The following CACNG3 variants were observed in gnomAD, a reference collection of about 807,000 sequenced individuals.
CACNG3 encodes calcium voltage-gated channel auxiliary subunit gamma 3.
In CACNG3, 3 loss-of-function variants were observed where a neutral mutation model predicts 28.5. That is an observed-to-expected ratio of 0.11 (90% CI 0.05 to 0.27). The LOEUF (loss-of-function observed/expected upper bound fraction) is 0.27, where lower values mean the gene tolerates loss of function less well. Among genes scored for constraint, CACNG3 ranks in the 10% least tolerant of loss-of-function variants. The probability of loss-of-function intolerance (pLI) is 1.00; values close to 1 mark genes in which losing one functional copy is unlikely to be tolerated. For missense variants in CACNG3, 236 were observed against 414.4 expected (o/e 0.57, Z 3.74); for synonymous variants, 174 against 162.2 (o/e 1.07, Z -0.55).
In CACNG3 at chr16:24,322,668, C is replaced by T. The variant is rs76975212; in HGVS notation, c.212-24066C>T. 9.7e-3 allele frequency among the ~76,000 whole-genome samples: 1,479 copies of T among 152,070 alleles called. 24 individuals are homozygous for T. The highest frequency in any genetic ancestry group is 0.034 in the African/African-American group (1,421 of 41,458). ...AGAAGCAAAAGTTTTTCCCCTTCTG[C>T]TTCTCAAATTCTACCCCCTCCCCAA... On this transcript the variant is annotated intron_variant, in intron 1 of 3. Coordinates refer to ENST00000005284, the MANE Select transcript of CACNG3 (RefSeq NM_006539.4).
intron 1 of CACNG3, among the ~76,000 whole-genome samples, chr16:24,269,797 AAGAAAGAAAG>A (rs1161528862): frequency 4.0e-5 from 6 of 150,448 alleles, no homozygotes; most frequent in African/African-American, 1.5e-4. Flanking sequence ...AAAAGAAAGA[AAGAAAGAAAG>A]AGAAAGAAAG....
At chr16:24,336,912 G>A (rs1169916737) in intron 1 of CACNG3, among the ~76,000 whole-genome samples, 1 of 152,026 alleles carries the variant, frequency 6.6e-6, no homozygotes, top group African/African-American at 2.4e-5. Context: ...TCTCCCAGAC[G>A]CAAGTGATCC....
In CACNG3 at chr16:24,351,685, G is replaced by A. The variant is rs201279988; in HGVS notation, c.296-3148G>A. ...ACGAAAGAAAGAAAGAAAGAAAGAAGGAAAGAAAGAAAGAGAAAGAAAGAA... is the reference window on the plus strand; with the variant it reads ...ACGAAAGAAAGAAAGAAAGAAAGAAAGAAAGAAAGAAAGAGAAAGAAAGAA... On this transcript the variant is annotated intron_variant, in intron 2 of 3. Transcript: ENST00000005284. Among the ~76,000 whole-genome samples, 755 of 40,890 alleles carry A rather than the reference G, an allele frequency of 0.018. 17 individuals are homozygous for A. The South Asian group carries it at 0.22, about 12-fold the overall frequency. 26.8% of individuals were successfully genotyped at this position (40,890 alleles called of 152,430 possible).
chr16:24,266,843 C>T (rs558269931), intron 1 of CACNG3, among the ~76,000 whole-genome samples: 1 of 152,212 alleles, frequency 6.6e-6, no homozygotes, highest in South Asian at 2.1e-4. Flanking sequence ...TGGGATCAGT[C>T]AGCAGGTGAA....
chr16:24,357,306 ACTC>A, intron 3 of CACNG3, among the ~76,000 whole-genome samples: 1 of 151,016 alleles, frequency 6.6e-6, no homozygotes. Flanking sequence ...TATGGGGAAA[ACTC>A]CTGTCTTGAT....
chr16:24,266,799 T>C (rs1898614890), intron 1 of CACNG3, among the ~76,000 whole-genome samples: 1 of 151,968 alleles, frequency 6.6e-6, no homozygotes, highest in Admixed American at 6.6e-5. Context: ...TTGCATGAGG[T>C]GGCTCACTTC....
intron 1 of CACNG3, among the ~76,000 whole-genome samples, chr16:24,318,704 G>C (rs1899419604): frequency 6.6e-6 from 1 of 152,114 alleles, no homozygotes; most frequent in Non-Finnish European, 1.5e-5. Context: ...GGGGTCACAT[G>C]TTACCAAGTA....
At chr16:24,341,228 T>G (rs1005035435) in intron 1 of CACNG3, among the ~76,000 whole-genome samples, 18 of 152,256 alleles carry the variant, frequency 1.2e-4, no homozygotes, top group Non-Finnish European at 2.1e-4. Context: ...TGGTTATTTC[T>G]GGGAGCCAGC....
chr16:24,314,694 G>T (rs1024821961), intron 1 of CACNG3, among the ~76,000 whole-genome samples: 2 of 151,370 alleles, frequency 1.3e-5, no homozygotes, highest in African/African-American at 4.9e-5. Flanking sequence ...ACATGTGGCA[G>T]CTACATTTTG....
chr16:24,270,772 A>G (rs1030882133), intron 1 of CACNG3, among the ~76,000 whole-genome samples: 4 of 152,162 alleles, frequency 2.6e-5, no homozygotes, highest in Non-Finnish European at 5.9e-5. Context: ...TAAAGCAGAG[A>G]AGGTGTGTTG....
At chr16:24,262,542 C>T (rs886981815) in intron 1 of CACNG3, among the ~76,000 whole-genome samples, 4 of 152,244 alleles carry the variant, frequency 2.6e-5, no homozygotes, top group Non-Finnish European at 4.4e-5. Flanking sequence ...CCTACCCTAG[C>T]CCTTACTGGG....
At chr16:24,345,313 A>T (rs1236388075) in intron 1 of CACNG3, among the ~76,000 whole-genome samples, 5 of 152,182 alleles carry the variant, frequency 3.3e-5, no homozygotes, top group East Asian at 1.9e-4. Context: ...TTTCTGGAAA[A>T]TTTTTTGTCC....
At chr16:24,268,756 C>T (rs931129521) in intron 1 of CACNG3, among the ~76,000 whole-genome samples, 14 of 152,168 alleles carry the variant, frequency 9.2e-5, no homozygotes, top group African/African-American at 2.7e-4. Context: ...ACATCTTCTA[C>T]GCTGGAGTTG....
At chr16:24,327,899 G>T (rs1899579335) in intron 1 of CACNG3, among the ~76,000 whole-genome samples, 1 of 152,112 alleles carries the variant, frequency 6.6e-6, no homozygotes, top group Non-Finnish European at 1.5e-5. Flanking sequence ...CTATGATCAT[G>T]CCACTGCACT....
Position 24,284,339 on chromosome 16 carries a change from G to A in CACNG3, c.211+27374G>A, listed in dbSNP as rs118185065. 2.3e-4 allele frequency among the ~76,000 whole-genome samples: 35 copies of A among 152,230 alleles called. No individual in the cohort carries two copies. The East Asian group carries it at 4.2e-3, about 18-fold the overall frequency. ...TCATATAAAACCCTCTGGGCCTGGGGCCTTTTTGAAAGTAGTTCTTTGACA... is the reference window on the plus strand; with the variant it reads ...TCATATAAAACCCTCTGGGCCTGGGACCTTTTTGAAAGTAGTTCTTTGACA... On this transcript the variant is annotated intron_variant, in intron 1 of 3. Coordinates refer to ENST00000005284, the MANE Select transcript of CACNG3 (RefSeq NM_006539.4).
chr16:24,305,888 G>A (rs980900416), intron 1 of CACNG3, among the ~76,000 whole-genome samples: 1 of 152,126 alleles, frequency 6.6e-6, no homozygotes, highest in African/African-American at 2.4e-5. Flanking sequence ...CCAAGGTGGG[G>A]TCTGGAACTC....
chr16:24,276,440 G>C (rs1012848476), intron 1 of CACNG3, among the ~76,000 whole-genome samples: 4 of 152,186 alleles, frequency 2.6e-5, no homozygotes, highest in Admixed American at 2.6e-4. Flanking sequence ...AAAAATTTGA[G>C]AGCCTCTGCT....
intron 1 of CACNG3, among the ~76,000 whole-genome samples, chr16:24,299,798 C>A (rs954931971): frequency 1.3e-5 from 2 of 152,066 alleles, no homozygotes; most frequent in South Asian, 2.1e-4. Flanking sequence ...ATTTGAAAGG[C>A]TTTTGAGTCA....
At chr16:24,264,561 G>A (rs760417480) in intron 1 of CACNG3, among the ~76,000 whole-genome samples, 1 of 152,220 alleles carries the variant, frequency 6.6e-6, no homozygotes, top group South Asian at 2.1e-4. Context: ...GGCAATTGAT[G>A]TTAGCCAGAG....
Sources: allele counts gnomAD v4.1 joint callset (sites outside exome capture counted in the v4.1 genomes callset), GRCh38; gene constraint gnomAD v4.1.1; transcripts MANE v1.5; gene names NCBI Gene and HGNC (gene_info 2026-07-23, HGNC 2026-07-21).